The following ANKRA2 variants were observed in gnomAD, a reference collection of about 807,000 sequenced individuals.
ANKRA2 encodes ankyrin repeat family A member 2, also known as ankyrin repeat family A protein 2.
ANKRA2 carries 33 observed loss-of-function variants against 37.8 expected under a neutral mutation model. That is an observed-to-expected ratio of 0.87 (90% CI 0.66 to 1.17). ANKRA2 has a LOEUF of 1.17. Ranked by LOEUF, ANKRA2 falls within the 50% of genes most tolerant of loss-of-function variation. The probability of loss-of-function intolerance (pLI) is 0.00; values close to 1 mark genes in which losing one functional copy is unlikely to be tolerated. For missense variants in ANKRA2, 326 were observed against 373.7 expected (o/e 0.87, Z 1.05); for synonymous variants, 126 against 132.3 (o/e 0.95, Z 0.33).
At chr5:73,558,222 TCC>T (rs2112014950) in intron 3 of ANKRA2, among the ~76,000 whole-genome samples, 1 of 152,230 alleles carries the variant, frequency 6.6e-6, no homozygotes, top group Non-Finnish European at 1.5e-5. Flanking sequence ...AAGCAGATCC[TCC>T]CACCTTGACC....
intron 4 of ANKRA2, among the ~76,000 whole-genome samples, chr5:73,557,095 G>T (rs953316242): frequency 2.4e-5 from 2 of 84,472 alleles, no homozygotes; most frequent in African/African-American, 7.2e-5. Flanking sequence ...AACTTAAGGG[G>T]GGCAGTTAAA....
rs147671260 is a variant in ANKRA2 at position 73,556,712 on chromosome 5, T to A, written c.514+863A>T. Among the ~76,000 whole-genome samples, 75 of 152,082 alleles carry A rather than the reference T, an allele frequency of 4.9e-4. 2 individuals carry two copies. The highest frequency in any genetic ancestry group is 1.7e-3 in the African/African-American group (69 of 41,508). Reference sequence around the variant, plus strand: ...AAGCTGGGGAACAATATATGCAACATAAACAACAACAAGAAAAAAAGCTAA... The same window carrying A: ...AAGCTGGGGAACAATATATGCAACAAAAACAACAACAAGAAAAAAAGCTAA... On this transcript the variant is annotated intron_variant, in intron 4 of 8. Transcript: ENST00000296785.
chr5:73,560,927 T>C (rs1423210701), intron 3 of ANKRA2, among the ~76,000 whole-genome samples: 1 of 152,244 alleles, frequency 6.6e-6, no homozygotes, highest in East Asian at 1.9e-4. Flanking sequence ...TTATTTCACT[T>C]AGCATAATGT....
intron 2 of ANKRA2, among the ~76,000 whole-genome samples, chr5:73,562,147 G>A (rs1431778086): frequency 1.3e-5 from 2 of 152,032 alleles, no homozygotes; most frequent in African/African-American, 2.4e-5. Flanking sequence ...CTCCCAAGTA[G>A]CTGGGATTAC....
chr5:73,558,464 C>A (rs550740260), intron 3 of ANKRA2, among the ~76,000 whole-genome samples: 1 of 152,038 alleles, frequency 6.6e-6, no homozygotes, highest in African/African-American at 2.4e-5. Context: ...ATTTTTATTT[C>A]GAGATTCTAT....
rs934904603 is a variant in ANKRA2, at chr5:73,552,726, A to G, written c.*71T>C. ...TATTGCAACTGAGGTAAAAATTTAT[A>G]AGTAAACAAAACTATCATTTATAAG... On this transcript the variant is annotated 3_prime_UTR_variant, in exon 9 of 9. Transcript: ENST00000296785. 5.2e-5 allele frequency: 74 copies of G among 1,424,260 alleles called. No homozygotes were observed. The highest frequency in any genetic ancestry group is 7.1e-5 in the Non-Finnish European group (73 of 1,026,704). The allele number at this position is 1,424,260 out of a possible 1,614,324, so 88.2% of individuals were successfully genotyped here. A position where few individuals can be genotyped will look rare whatever the true frequency, so the allele number is the denominator to read the frequency against.
At chr5:73,558,886 T>G (rs1345141253) in intron 3 of ANKRA2, among the ~76,000 whole-genome samples, 1 of 152,188 alleles carries the variant, frequency 6.6e-6, no homozygotes, top group Admixed American at 6.5e-5. Context: ...CTGTGTGATG[T>G]TGGATAAGTT....
chr5:73,555,193 C>T (rs1747366816), intron 5 of ANKRA2: 4 of 1,389,356 alleles, frequency 2.9e-6, no homozygotes, highest in Non-Finnish European at 3.7e-6. Context: ...CCTAATTATC[C>T]TTTCACTCTG....
chr5:73,552,439 G>A lies in ANKRA2; in HGVS notation c.*358C>T, dbSNP rs16876099. 0.021 allele frequency: 3,428 copies of A among 161,298 alleles called. 122 individuals are homozygous for A. Among genetic ancestry groups the A allele is most frequent in the African/African-American group, 0.077 (3,209 of 41,732 alleles). The allele number at this position is 161,298 out of a possible 1,614,324, so 10.0% of individuals were successfully genotyped here. On this transcript the variant is annotated 3_prime_UTR_variant, in exon 9 of 9. Coordinates refer to ENST00000296785, the MANE Select transcript of ANKRA2 (RefSeq NM_023039.5). ...AACAATTTTTTTCTAGGGATTTATA[G>A]CAAACCCTATATAAAGTGAATGACT...
chr5:73,554,440 T>TA, intron 6 of ANKRA2, 52 bp from the exon 7 acceptor site: 1 of 1,274,956 alleles, frequency 7.8e-7, no homozygotes, highest in East Asian at 2.3e-5. Context: ...AAGACTCAAG[T>TA]AATTTAATGC....
intron 6 of ANKRA2, 75 bp downstream of exon 6, chr5:73,554,786 T>G: frequency 1.3e-6 from 2 of 1,501,960 alleles, no homozygotes; most frequent in South Asian, 2.4e-5. Context: ...TTAATAAAAC[T>G]TACTGCATCT....
At chr5:73,558,211 C>G (rs1747453357) in intron 3 of ANKRA2, among the ~76,000 whole-genome samples, 1 of 152,092 alleles carries the variant, frequency 6.6e-6, no homozygotes, top group Non-Finnish European at 1.5e-5. Context: ...CTCCAGGGCT[C>G]AAGCAGATCC....
At chr5:73,564,928 G>C (rs201707846) in intron 1 of ANKRA2, among the ~76,000 whole-genome samples, 1 of 61,848 alleles carries the variant, frequency 1.6e-5, no homozygotes, top group Non-Finnish European at 4.3e-5. Context: ...GTGGTGGTGA[G>C]AAAAAGGGGG....
chr5:73,565,012 T>A (rs933353290), intron 1 of ANKRA2, 120 bp downstream of exon 1: 41 of 152,098 alleles, frequency 2.7e-4, no homozygotes, highest in African/African-American at 9.9e-4. Context: ...TCTACGGAGA[T>A]AAAGTGGGCA....
At chr5:73,559,238 G>A (rs1747480488) in intron 3 of ANKRA2, among the ~76,000 whole-genome samples, 1 of 152,032 alleles carries the variant, frequency 6.6e-6, no homozygotes, top group Non-Finnish European at 1.5e-5. Context: ...TGTTTCCAAA[G>A]AAAAAACAGA....
chr5:73,554,923 C>CT lies in ANKRA2; in HGVS notation c.675dup (p.Gly226ArgfsTer11). 1 of 1,613,872 alleles carries CT rather than the reference C, an allele frequency of 6.2e-7. No individual in the cohort carries two copies. Among genetic ancestry groups the CT allele is most frequent in the Non-Finnish European group, 8.5e-7 (1 of 1,179,784 alleles). ...AGCATTTTGACAATATCTGTGTAGC[C>CT]TTTACTACAGGCCAACGACAGTGCA... is the stretch of plus-strand genomic sequence containing the variant. On this transcript the variant is annotated frameshift_variant, in exon 6 of 9. Coordinates refer to ENST00000296785, the MANE Select transcript of ANKRA2 (RefSeq NM_023039.5). LOFTEE classifies it high-confidence loss of function.
chr5:73,564,986 A>C (rs1264596886), intron 1 of ANKRA2, 146 bp downstream of exon 1: 1 of 152,202 alleles, frequency 6.6e-6, no homozygotes, highest in African/African-American at 2.4e-5. Context: ...GAGCCCAGGG[A>C]TGAAGGGATA....
intron 2 of ANKRA2, among the ~76,000 whole-genome samples, chr5:73,562,295 G>A (rs1228773155): frequency 6.6e-6 from 1 of 151,192 alleles, no homozygotes; most frequent in Non-Finnish European, 1.5e-5. Flanking sequence ...GGGATTACAG[G>A]CATGAGCCAC....
intron 1 of ANKRA2, among the ~76,000 whole-genome samples, chr5:73,563,364 G>A (rs1561272013): frequency 6.6e-6 from 1 of 152,142 alleles, no homozygotes; most frequent in African/African-American, 2.4e-5. Flanking sequence ...ATCACCAAAT[G>A]GATAAAAGAT....
Sources: gnomAD v4.1 joint callset for allele counts (sites outside exome capture counted in the v4.1 genomes callset) on GRCh38, gnomAD v4.1.1 for gene constraint, MANE v1.5 for transcripts, NCBI Gene and HGNC (gene_info 2026-07-23, HGNC 2026-07-21) for gene names.